Variants in RNF38 observed in about 807,000 individuals in gnomAD.
The protein encoded by RNF38 is ring finger protein 38, also known as E3 ubiquitin-protein ligase RNF38.
A neutral mutation model predicts 67.2 loss-of-function variants in RNF38; 15 were observed. The observed-to-expected ratio is 0.22, with a 90% CI of 0.15 to 0.34. RNF38 has a LOEUF of 0.34. Ranked by LOEUF, RNF38 falls within the 10% of genes least tolerant of loss-of-function variation. RNF38 has a pLI of 1.00. For synonymous variants in RNF38, 220 were observed against 218.8 expected (o/e 1.01, Z -0.05); for missense variants, 524 against 639.9 (o/e 0.82, Z 1.95).
intron 4 of RNF38, among the ~76,000 whole-genome samples, chr9:36,361,935 C>G: frequency 6.6e-6 from 1 of 152,150 alleles, no homozygotes; most frequent in East Asian, 1.9e-4. Flanking sequence ...ATATGATGCA[C>G]AGCACAAGCA....
At chr9:36,440,754 T>C (rs1839174264) in intron 1 of RNF38, among the ~76,000 whole-genome samples, 2 of 152,198 alleles carry the variant, frequency 1.3e-5, no homozygotes, top group Non-Finnish European at 2.9e-5. Context: ...ATTGTTTGCA[T>C]CTTCTACAAT....
intron 1 of RNF38, among the ~76,000 whole-genome samples, chr9:36,430,738 CG>C (rs1173740933): frequency 1.3e-5 from 2 of 151,756 alleles, no homozygotes; most frequent in Admixed American, 6.6e-5. Context: ...CTTCGGGCGG[CG>C]GGGGTGCGGT....
chr9:36,453,238 G>C (rs1350586163), intron 1 of RNF38, among the ~76,000 whole-genome samples: 1 of 152,066 alleles, frequency 6.6e-6, no homozygotes, highest in Admixed American at 6.6e-5. Flanking sequence ...TTTTGAGACA[G>C]AGTCTTGCTC....
At position 36,400,083 on chromosome 9, in the gene RNF38, GA is replaced by G; in HGVS notation, c.12+13del. On this transcript the variant is annotated intron_variant, in intron 1 of 11. Transcript: ENST00000259605. ...GCATATATCATTTTTGCAACACAAAGAAAAATACTTTACCTTACAAGCCATA... is the reference window on the plus strand; with the variant it reads ...GCATATATCATTTTTGCAACACAAAGAAAATACTTTACCTTACAAGCCATA... 1 of 1,610,262 alleles carries G rather than the reference GA, an allele frequency of 6.2e-7. No individual in the cohort carries two copies. The highest frequency in any genetic ancestry group is 1.1e-5 in the South Asian group (1 of 90,846).
At chr9:36,397,087 ATAT>A (rs1564040560) in intron 1 of RNF38, among the ~76,000 whole-genome samples, 5 of 145,642 alleles carry the variant, frequency 3.4e-5, no homozygotes, top group African/African-American at 1.3e-4. Flanking sequence ...GTGTGTATAT[ATAT>A]ATATATATGT....
In RNF38 at chr9:36,392,794, A is replaced by T. The variant is rs1461398856; in HGVS notation, c.13-2178T>A. On this transcript the variant is annotated intron_variant, in intron 1 of 11. Coordinates refer to ENST00000259605, the MANE Select transcript of RNF38 (RefSeq NM_022781.5). Reference sequence around the variant, plus strand: ...TAAGTATTTGTTAATCTAATAAGATATAAAAACATGGGCCCTAACCTCAAG... The same window carrying T: ...TAAGTATTTGTTAATCTAATAAGATTTAAAAACATGGGCCCTAACCTCAAG... Among the ~76,000 whole-genome samples the T allele has an allele frequency of 2.0e-5, 3 of 152,196 alleles. No homozygotes were observed. The East Asian group carries it at 5.8e-4, about 29-fold the overall frequency.
intron 1 of RNF38, among the ~76,000 whole-genome samples, chr9:36,453,162 T>G (rs2134343772): frequency 6.6e-6 from 1 of 152,300 alleles, no homozygotes; most frequent in Middle Eastern, 3.4e-3. Flanking sequence ...CAACGTGTTG[T>G]TGTCTGTCTT....
At chr9:36,434,247 G>GGAGGGGAGGGGA (rs1839005013) in intron 1 of RNF38, among the ~76,000 whole-genome samples, 2 of 136,176 alleles carry the variant, frequency 1.5e-5, no homozygotes, top group Non-Finnish European at 3.2e-5. Flanking sequence ...AAAGGGGAAG[G>GGAGGGGAGGGGA]GAGGGGAGGG....
chr9:36,421,850 G>A (rs984397337), intron 2 of RNF38, among the ~76,000 whole-genome samples: 7 of 152,236 alleles, frequency 4.6e-5, no homozygotes, highest in African/African-American at 1.4e-4. Flanking sequence ...AAAGACGTCA[G>A]GGGGCTGTTG....
intron 2 of RNF38, among the ~76,000 whole-genome samples, chr9:36,413,282 T>C (rs148579127): frequency 6.6e-6 from 1 of 151,426 alleles, no homozygotes; most frequent in African/African-American, 2.4e-5. Context: ...TCTCTTTCCC[T>C]CTATCACCAT....
intron 2 of RNF38, among the ~76,000 whole-genome samples, chr9:36,410,741 A>G (rs910284459): frequency 2.6e-5 from 4 of 152,200 alleles, no homozygotes; most frequent in Admixed American, 2.6e-4. Context: ...AAATAAATCA[A>G]TCACGTTTCC....
At chr9:36,398,022 G>T (rs1837669726) in intron 1 of RNF38, among the ~76,000 whole-genome samples, 3 of 151,944 alleles carry the variant, frequency 2.0e-5, no homozygotes, top group African/African-American at 7.3e-5. Context: ...AATAATTGTG[G>T]GTTTTACAAT....
intron 4 of RNF38, among the ~76,000 whole-genome samples, chr9:36,366,229 A>G (rs974737439): frequency 6.6e-6 from 1 of 152,208 alleles, no homozygotes. Flanking sequence ...AGAACACTTA[A>G]TTAGCCACAA....
intron 2 of RNF38, among the ~76,000 whole-genome samples, chr9:36,387,081 G>A (rs1220137814): frequency 2.6e-5 from 4 of 152,180 alleles, no homozygotes; most frequent in Non-Finnish European, 5.9e-5. Flanking sequence ...GGGATTACAG[G>A]TGCGAGCCAC....
At chr9:36,394,710 T>C (rs1204720800) in intron 1 of RNF38, among the ~76,000 whole-genome samples, 1 of 152,158 alleles carries the variant, frequency 6.6e-6, no homozygotes, top group East Asian at 1.9e-4. Context: ...TGAACTCAAG[T>C]CTATCGAATT....
chr9:36,476,002 CTG>C (rs1840111709), intron 1 of RNF38, among the ~76,000 whole-genome samples: 1 of 101,758 alleles, frequency 9.8e-6, no homozygotes, highest in African/African-American at 3.6e-5. Flanking sequence ...GAGCGGGACT[CTG>C]TTTCCAAAAA....
chr9:36,389,340 T>C (rs574151557), intron 2 of RNF38, among the ~76,000 whole-genome samples: 128 of 98,890 alleles, frequency 1.3e-3, no homozygotes, highest in Non-Finnish European at 2.1e-3. Flanking sequence ...TGGAGAAAAG[T>C]ATCCAAAAAA....
intron 11 of RNF38, 38 bp from the exon 12 acceptor site, chr9:36,339,852 A>G (rs771294973): frequency 2.0e-6 from 3 of 1,509,036 alleles, no homozygotes; most frequent in South Asian, 2.3e-5. Flanking sequence ...AAATTGTGAC[A>G]CATACAATGA....
chr9:36,441,323 ATT>A (rs921724603), intron 1 of RNF38, among the ~76,000 whole-genome samples: 29 of 150,598 alleles, frequency 1.9e-4, no homozygotes, highest in African/African-American at 6.5e-4. Context: ...GGGTTACTAA[ATT>A]ACCAATTTTT....
Sources: allele counts gnomAD v4.1 joint callset (sites outside exome capture counted in the v4.1 genomes callset), GRCh38; gene constraint gnomAD v4.1.1; transcripts MANE v1.5; gene names NCBI Gene and HGNC (gene_info 2026-07-23, HGNC 2026-07-21).